Variants in HOMER1 observed in about 807,000 individuals in gnomAD.
HOMER1 encodes the protein homer protein homolog 1.
A neutral mutation model predicts 48.9 loss-of-function variants in HOMER1; 3 were observed. The observed-to-expected ratio is 0.06, with a 90% CI of 0.03 to 0.16. The LOEUF (loss-of-function observed/expected upper bound fraction) is 0.16. Ranked by LOEUF, HOMER1 falls within the 10% of genes least tolerant of loss-of-function variation. HOMER1 has a pLI of 1.00. For synonymous variants in HOMER1, 134 were observed against 146.4 expected (o/e 0.92, Z 0.61); for missense variants, 247 against 411.4 (o/e 0.60, Z 3.46).
intron 1 of HOMER1, among the ~76,000 whole-genome samples, chr5:79,493,464 T>C (rs1752343179): frequency 1.3e-5 from 2 of 152,308 alleles, no homozygotes; most frequent in East Asian, 3.9e-4. Context: ...GCAAGGCTCT[T>C]TGTTCACAGA....
chr5:79,501,930 T>C (rs1285842376), intron 1 of HOMER1, among the ~76,000 whole-genome samples: 3 of 151,932 alleles, frequency 2.0e-5, no homozygotes, highest in African/African-American at 7.3e-5. Context: ...TAGCCAATCT[T>C]GAAAAGAATA....
chr5:79,471,551 G>GACAAAA (rs1751620294), intron 1 of HOMER1, among the ~76,000 whole-genome samples: 1 of 97,682 alleles, frequency 1.0e-5, no homozygotes, highest in Non-Finnish European at 2.1e-5. Flanking sequence ...CCATCTCAAA[G>GACAAAA]AAAAAAAAAA....
intron 5 of HOMER1, among the ~76,000 whole-genome samples, chr5:79,436,562 A>T (rs1236705292): frequency 1.3e-5 from 2 of 152,362 alleles, no homozygotes; most frequent in East Asian, 3.9e-4. Context: ...GCGCACACAC[A>T]TATATGTACA....
chr5:79,377,874 T>C (rs1489160583), intron 8 of HOMER1, among the ~76,000 whole-genome samples: 1 of 152,020 alleles, frequency 6.6e-6, no homozygotes, highest in African/African-American at 2.4e-5. Context: ...TCTCTCAAGT[T>C]GGATAAAGAA....
rs1392165989 is a variant in HOMER1 at position 79,442,320 on chromosome 5, T to C, written c.388-3171A>G. Among the ~76,000 whole-genome samples the C allele has an allele frequency of 2.0e-5, 3 of 152,284 alleles. No homozygotes were observed. In the East Asian group the frequency reaches 5.8e-4, roughly 29 times the overall value. ...GATTCAGGAAATGCTTCTTAAGAAT[T>C]CTCTCTTCCTACCCATTTGTGAAGT... On this transcript the variant is annotated intron_variant, in intron 4 of 8. Coordinates refer to ENST00000334082, the MANE Select transcript of HOMER1 (RefSeq NM_004272.5).
chr5:79,396,053 G>A (rs1056926797), intron 8 of HOMER1, among the ~76,000 whole-genome samples: 1 of 152,088 alleles, frequency 6.6e-6, no homozygotes, highest in South Asian at 2.1e-4. Context: ...ACCTAACGCT[G>A]AGGGTGTAAG....
At chr5:79,438,894 AAG>A in intron 5 of HOMER1, 114 bp downstream of exon 5, 22 of 774,308 alleles carry the variant, frequency 2.8e-5, no homozygotes, top group East Asian at 1.9e-4. Flanking sequence ...AAAAAAAAAA[AAG>A]TCAAAGTCAA....
At chr5:79,473,477 C>G (rs1270005668) in intron 1 of HOMER1, among the ~76,000 whole-genome samples, 29 of 152,156 alleles carry the variant, frequency 1.9e-4, no homozygotes, top group Admixed American at 1.9e-3. Context: ...CCACAATATT[C>G]AAATGGATTA....
intron 3 of HOMER1, among the ~76,000 whole-genome samples, chr5:79,448,116 T>C (rs1310064621): frequency 6.6e-6 from 1 of 152,208 alleles, no homozygotes; most frequent in Admixed American, 6.5e-5. Context: ...ATCACAACTT[T>C]TCCTTCTTAC....
intron 1 of HOMER1, among the ~76,000 whole-genome samples, chr5:79,474,762 T>C (rs959184374): frequency 6.6e-6 from 1 of 152,174 alleles, no homozygotes; most frequent in Non-Finnish European, 1.5e-5. Flanking sequence ...ATATTAAAAA[T>C]TCTCTGCAGA....
chr5:79,452,304 A>G (rs967111522), intron 2 of HOMER1, among the ~76,000 whole-genome samples: 1 of 152,200 alleles, frequency 6.6e-6, no homozygotes, highest in African/African-American at 2.4e-5. Context: ...GAAAACTAGT[A>G]TTTTAGCATG....
chr5:79,439,919 T>C (rs1750695502), intron 4 of HOMER1, among the ~76,000 whole-genome samples: 1 of 152,138 alleles, frequency 6.6e-6, no homozygotes, highest in African/African-American at 2.4e-5. Flanking sequence ...CACCATCAGA[T>C]TATCCAAATT....
At chr5:79,440,709 C>A (rs1451387375) in intron 4 of HOMER1, among the ~76,000 whole-genome samples, 1 of 152,094 alleles carries the variant, frequency 6.6e-6, no homozygotes, top group African/African-American at 2.4e-5. Context: ...AAAATTTAAC[C>A]AGCCAGTAAG....
intron 5 of HOMER1, among the ~76,000 whole-genome samples, chr5:79,417,192 G>C (rs1410677844): frequency 1.3e-5 from 2 of 151,608 alleles, no homozygotes; most frequent in African/African-American, 4.9e-5. Context: ...GCCCAGGCTG[G>C]AGTGCAGTGG....
At chr5:79,487,024 T>A (rs1253838673) in intron 1 of HOMER1, among the ~76,000 whole-genome samples, 3 of 152,224 alleles carry the variant, frequency 2.0e-5, no homozygotes, top group African/African-American at 7.2e-5. Flanking sequence ...CTCATGCCTG[T>A]AATGCCAGCA....
intron 5 of HOMER1, among the ~76,000 whole-genome samples, chr5:79,420,853 C>T (rs906556244): frequency 6.6e-6 from 1 of 152,176 alleles, no homozygotes; most frequent in Admixed American, 6.5e-5. Flanking sequence ...ATGCTCCATA[C>T]ATGATTTTGA....
rs1748762304 is a variant in HOMER1, at chr5:79,375,974, T to A, written c.*35A>T. ...CAGTCCTATGAAGAGAGACAGTGTA[T>A]CTTTTAATTAATTGGCACTGAAATT... On this transcript the variant is annotated 3_prime_UTR_variant, in exon 9 of 9. Transcript: ENST00000334082. 3 of 1,426,336 alleles carry A rather than the reference T, an allele frequency of 2.1e-6. No individual in the cohort carries two copies. The highest frequency in any genetic ancestry group is 4.6e-5 in the East Asian group (2 of 43,558). The allele number at this position is 1,426,336 out of a possible 1,614,324, so 88.4% of individuals were successfully genotyped here.
At chr5:79,453,060 G>T (rs1012147983) in intron 2 of HOMER1, among the ~76,000 whole-genome samples, 2 of 152,168 alleles carry the variant, frequency 1.3e-5, no homozygotes, top group African/African-American at 2.4e-5. Flanking sequence ...AATAAGAGGG[G>T]CAATATAATT....
chr5:79,401,925 C>G lies in HOMER1; in HGVS notation c.658G>C (p.Glu220Gln). 1 of 1,613,894 alleles carries G rather than the reference C, an allele frequency of 6.2e-7. No homozygotes were observed. The highest frequency in any genetic ancestry group is 8.5e-7 in the Non-Finnish European group (1 of 1,179,844). The change falls in exon 6 of 9, where the codon GAG becomes CAG. Residue 220 changes from glutamate (E) to glutamine (Q), a missense_variant. Glu to Gln is a conservative substitution (Grantham distance 29). This residue lies in a region of HOMER1 where 113 missense variants were observed against 152.5 expected (regional missense o/e 0.74). Transcript: ENST00000334082. ...QWKQQLAAYQ[E>Q]EAERLHKRVT... is the part of the protein sequence containing the mutation. ...CGCTTGTGCAGACGTTCTGCTTCCTCTTGATAGGCAGCAAGTTGCTGTTTC... is the reference window on the plus strand; with the variant it reads ...CGCTTGTGCAGACGTTCTGCTTCCTGTTGATAGGCAGCAAGTTGCTGTTTC...
Sources: allele counts gnomAD v4.1 joint callset (sites outside exome capture counted in the v4.1 genomes callset), GRCh38; gene constraint gnomAD v4.1.1; regional missense constraint gnomAD v4.1.1; transcripts MANE v1.5; gene names NCBI Gene and HGNC (gene_info 2026-07-23, HGNC 2026-07-21).